The following SVIL variants were observed in gnomAD, a reference collection of about 807,000 sequenced individuals.
SVIL encodes the protein archvillin.
Under a neutral mutation model 240.4 loss-of-function variants are expected in SVIL, and 101 were observed. That is an observed-to-expected ratio of 0.42 (90% confidence interval 0.36 to 0.50). SVIL has a LOEUF of 0.50. SVIL is among the 20% of genes least tolerant of loss of function. The pLI is 0.01. For synonymous variants in SVIL, 999 were observed against 1,100.0 expected, an observed-to-expected ratio of 0.91 and a Z score of 1.82; for missense variants, 2,512 against 2,818.7, an observed-to-expected ratio of 0.89 and a Z score of 2.46.
intron 3 of SVIL, among the ~76,000 whole-genome samples, chr10:29,640,566 C>G (rs1447755155): frequency 6.6e-6 from 1 of 152,180 alleles, no homozygotes; most frequent in Non-Finnish European, 1.5e-5. Context: ...GAACATGGAA[C>G]TCAAGAGAAA....
intron 22 of SVIL, among the ~76,000 whole-genome samples, chr10:29,490,573 AC>A (rs1947849812): frequency 1.5e-5 from 2 of 130,652 alleles, no homozygotes; most frequent in African/African-American, 6.4e-5. Flanking sequence ...ATATGATGAA[AC>A]CCCCAGTCTT....
chr10:29,561,291 A>G (rs1432912318), intron 3 of SVIL, among the ~76,000 whole-genome samples: 2 of 152,110 alleles, frequency 1.3e-5, no homozygotes, highest in Non-Finnish European at 2.9e-5. Context: ...TAGGTGTTCT[A>G]AAAGTTTATT....
At chr10:29,577,919 T>C in intron 1 of SVIL, among the ~76,000 whole-genome samples, 1 of 152,210 alleles carries the variant, frequency 6.6e-6, no homozygotes, top group Non-Finnish European at 1.5e-5. Flanking sequence ...AAATTATAGA[T>C]GACTCAAATA....
intron 1 of SVIL, among the ~76,000 whole-genome samples, chr10:29,632,282 G>C (rs1056644613): frequency 1.3e-5 from 2 of 152,162 alleles, no homozygotes; most frequent in Non-Finnish European, 2.9e-5. Flanking sequence ...CCTGAGGTCA[G>C]GAGTTCAAGA....
chr10:29,658,401 T>C (rs934158658), intron 2 of SVIL, among the ~76,000 whole-genome samples: 1 of 152,268 alleles, frequency 6.6e-6, no homozygotes, highest in Non-Finnish European at 1.5e-5. Context: ...ATTTGGTCTA[T>C]AAGCAAGAAT....
chr10:29,696,206 G>C (rs948026168), intron 1 of SVIL, among the ~76,000 whole-genome samples: 2 of 151,820 alleles, frequency 1.3e-5, no homozygotes, highest in African/African-American at 4.8e-5. Context: ...CGCCAGCCTC[G>C]GCCTCCCGAG....
chr10:29,653,533 T>C (rs902115374), intron 3 of SVIL, among the ~76,000 whole-genome samples: 1 of 152,328 alleles, frequency 6.6e-6, no homozygotes, highest in South Asian at 2.1e-4. Flanking sequence ...TTTCTTGATA[T>C]TGTCCTTTGC....
Position 29,480,739 on chromosome 10 carries a change from G to T in SVIL, c.5175C>A (p.Thr1725=). 1 of 1,614,140 alleles carries T rather than the reference G, an allele frequency of 6.2e-7. No individual in the cohort carries two copies. Among genetic ancestry groups the T allele is most frequent in the Non-Finnish European group, 8.5e-7 (1 of 1,180,018 alleles). Residue 1725 remains threonine (T), a synonymous_variant, in exon 29 of 38, where the codon ACC becomes ACA. Transcript: ENST00000355867. The stretch of plus-strand genomic sequence containing the variant: ...GGCCGACGTTCACTCCGTCCAGGAT[G>T]GTGCCTGCTGTCGTCTGGGGCATGG... The part of the protein sequence containing the change: ...MVSMPQTTAG[T]ILDGVNVGRG...
At chr10:29,632,632 A>G (rs758041613) in intron 1 of SVIL, among the ~76,000 whole-genome samples, 2 of 152,350 alleles carry the variant, frequency 1.3e-5, no homozygotes, top group South Asian at 4.1e-4. Flanking sequence ...AGAAGCAAAG[A>G]TAAAGAACTG....
chr10:29,561,963 C>T (rs545541863), intron 3 of SVIL, among the ~76,000 whole-genome samples: 2 of 152,344 alleles, frequency 1.3e-5, no homozygotes, highest in African/African-American at 4.8e-5. Flanking sequence ...GTCTTTCAGA[C>T]ATTCACCCTC....
At chr10:29,608,513 G>C (rs1036762950) in intron 1 of SVIL, among the ~76,000 whole-genome samples, 7 of 152,262 alleles carry the variant, frequency 4.6e-5, no homozygotes, top group African/African-American at 1.7e-4. Flanking sequence ...GTGGACCTGG[G>C]CATCCCTGCA....
chr10:29,621,479 C>A (rs1202691826), intron 1 of SVIL, among the ~76,000 whole-genome samples: 1 of 152,254 alleles, frequency 6.6e-6, no homozygotes, highest in African/African-American at 2.4e-5. Context: ...CGCAGCGGGC[C>A]AAGCCCAAGG....
chr10:29,607,161 G>A (rs1957059308), intron 1 of SVIL, among the ~76,000 whole-genome samples: 1 of 152,088 alleles, frequency 6.6e-6, no homozygotes, highest in African/African-American at 2.4e-5. Flanking sequence ...TATGTTTATT[G>A]GGCAATCTAG....
chr10:29,459,104 T>C (rs1730438408), intron 36 of SVIL, among the ~76,000 whole-genome samples: 1 of 150,852 alleles, frequency 6.6e-6, no homozygotes, highest in African/African-American at 2.4e-5. Flanking sequence ...ACCACCACAC[T>C]TGACCCCAAA....
At chr10:29,515,650 C>G (rs1383755326) in intron 16 of SVIL, among the ~76,000 whole-genome samples, 1 of 152,212 alleles carries the variant, frequency 6.6e-6, no homozygotes, top group Admixed American at 6.5e-5. Context: ...TCCTGAACAT[C>G]CACCTTGTTA....
At position 29,512,873 on chromosome 10, in the gene SVIL, A is replaced by T. The variant is rs1421287013; in HGVS notation, c.3390-12T>A. ...TCAACAGTGCCAATCTAGGAGGAAA[A>T]CATGCCCGCCACAAAGAGTTCAGCA... On this transcript the variant is annotated splice_polypyrimidine_tract_variant and intron_variant, in intron 16 of 37. Coordinates refer to ENST00000355867, the MANE Select transcript of SVIL (RefSeq NM_021738.3). The T allele has an allele frequency of 1.3e-6, 2 of 1,599,920 alleles. No homozygotes were observed. The highest frequency in any genetic ancestry group is 1.7e-5 in the Admixed American group (1 of 59,600).
rs535317853 is a variant in SVIL, at chr10:29,474,704, A to G, written c.5378-715T>C. Among the ~76,000 whole-genome samples the G allele has an allele frequency of 3.9e-5, 6 of 152,328 alleles. No individual in the cohort carries two copies. In the South Asian group the frequency reaches 1.2e-3, roughly 32 times the overall value. ...TCACACAGACACAAACTCATTTTCC[A>G]TATTACACCACTCTTTGGCAAAAGA... On this transcript the variant is annotated intron_variant, in intron 29 of 37. Coordinates refer to ENST00000355867, the MANE Select transcript of SVIL (RefSeq NM_021738.3).
At chr10:29,541,660 GA>G (rs1178243888) in intron 6 of SVIL, among the ~76,000 whole-genome samples, 1 of 152,032 alleles carries the variant, frequency 6.6e-6, no homozygotes. Context: ...ACAATTGTCA[GA>G]AAATGCTGGA....
At chr10:29,468,591 T>C (rs1404377684) in intron 32 of SVIL, among the ~76,000 whole-genome samples, 1 of 151,946 alleles carries the variant, frequency 6.6e-6, no homozygotes, top group Non-Finnish European at 1.5e-5. Context: ...TTTTTTTAAA[T>C]TTAAAATTTG....
Sources: allele counts gnomAD v4.1 joint callset (sites outside exome capture counted in the v4.1 genomes callset), GRCh38; gene constraint gnomAD v4.1.1; transcripts MANE v1.5; gene names NCBI Gene and HGNC (gene_info 2026-07-23, HGNC 2026-07-21).